The following LPP variants were observed in gnomAD, a reference collection of about 807,000 sequenced individuals.
LPP encodes the protein lipoma-preferred partner.
LPP carries 38 observed loss-of-function variants against 60.4 expected under a neutral mutation model. The observed-to-expected ratio is 0.63, with a 90% confidence interval of 0.49 to 0.83. LPP has a LOEUF of 0.83. Among genes scored for constraint, LPP ranks in the 40% least tolerant of loss-of-function variants. The pLI is 0.00. For synonymous variants in LPP, 328 were observed against 290.8 expected (o/e 1.13, Z -1.30); for missense variants, 902 against 783.6 (o/e 1.15, Z -1.80).
intron 5 of LPP, among the ~76,000 whole-genome samples, chr3:188,503,333 C>A (rs1450120803): frequency 1.3e-5 from 2 of 152,086 alleles, no homozygotes; most frequent in Admixed American, 1.3e-4. Context: ...TTAATACACT[C>A]ATTTCTTAAA....
chr3:188,395,244 G>A (rs574960405), intron 3 of LPP, among the ~76,000 whole-genome samples: 59 of 152,022 alleles, frequency 3.9e-4, no homozygotes, highest in Admixed American at 2.5e-3. Flanking sequence ...TTAGAGACAG[G>A]GTCTCATTCT....
At chr3:188,749,497 C>T (rs75412784) in intron 8 of LPP, among the ~76,000 whole-genome samples, 4,801 of 152,258 alleles carry the variant, frequency 0.032, 126 homozygotes, top group Non-Finnish European at 0.046. Context: ...AACAGAATCC[C>T]GAGTAAGATG....
chr3:188,678,989 G>T (rs1858788692), intron 7 of LPP, among the ~76,000 whole-genome samples: 2 of 152,190 alleles, frequency 1.3e-5, no homozygotes, highest in African/African-American at 2.4e-5. Flanking sequence ...GAACACATGG[G>T]AAGATGCTGG....
intron 6 of LPP, chr3:188,568,375 C>G (rs552536511): frequency 1.3e-5 from 2 of 151,716 alleles, no homozygotes; most frequent in South Asian, 2.1e-4. Flanking sequence ...ATATACTTAC[C>G]CTTCAATCCA....
chr3:188,777,854 A>G (rs945553433), intron 9 of LPP, among the ~76,000 whole-genome samples: 3 of 152,200 alleles, frequency 2.0e-5, no homozygotes, highest in African/African-American at 7.2e-5. Context: ...CTTAAGTAAA[A>G]TAGATATCTT....
intron 4 of LPP, among the ~76,000 whole-genome samples, chr3:188,448,496 A>G (rs558191158): frequency 4.6e-5 from 7 of 152,288 alleles, no homozygotes; most frequent in Admixed American, 3.3e-4. Context: ...CTAAATATCT[A>G]TCTAAATAAA....
At chr3:188,812,528 T>G (rs534048425) in intron 9 of LPP, among the ~76,000 whole-genome samples, 1 of 152,316 alleles carries the variant, frequency 6.6e-6, no homozygotes, top group Middle Eastern at 3.4e-3. Context: ...GTTTGTTTCT[T>G]TAGCATCTGT....
intron 1 of LPP, among the ~76,000 whole-genome samples, chr3:188,189,944 A>G (rs1319705239): frequency 6.6e-6 from 1 of 152,162 alleles, no homozygotes; most frequent in African/African-American, 2.4e-5. Context: ...GACTGAAAGA[A>G]GGAGAGGAGC....
At chr3:188,764,316 T>C (rs903865675) in intron 9 of LPP, among the ~76,000 whole-genome samples, 9 of 152,200 alleles carry the variant, frequency 5.9e-5, no homozygotes, top group African/African-American at 2.2e-4. Context: ...CTCCCATGTC[T>C]TCACAGATAA....
chr3:188,364,704 C>A (rs929779756), intron 3 of LPP, among the ~76,000 whole-genome samples: 6 of 152,158 alleles, frequency 3.9e-5, no homozygotes, highest in Non-Finnish European at 8.8e-5. Context: ...AAAGACTTCC[C>A]AGGCTGAGTG....
chr3:188,395,612 CA>C (rs1202180096), intron 3 of LPP, among the ~76,000 whole-genome samples: 1 of 152,032 alleles, frequency 6.6e-6, no homozygotes, highest in Non-Finnish European at 1.5e-5. Context: ...TTTACAATAA[CA>C]ATAAAATATT....
intron 6 of LPP, among the ~76,000 whole-genome samples, chr3:188,547,818 G>C (rs1258103816): frequency 6.6e-6 from 1 of 152,166 alleles, no homozygotes; most frequent in Non-Finnish European, 1.5e-5. Flanking sequence ...TAAGAAGTGT[G>C]ATGTATAAAA....
chr3:188,483,337 A>G (rs1192293053), intron 4 of LPP, among the ~76,000 whole-genome samples: 3 of 152,070 alleles, frequency 2.0e-5, no homozygotes, highest in East Asian at 3.9e-4. Context: ...TTATACTTCT[A>G]TTTCTCAGGG....
At chr3:188,812,341 G>T (rs1257372801) in intron 9 of LPP, among the ~76,000 whole-genome samples, 1 of 152,072 alleles carries the variant, frequency 6.6e-6, no homozygotes, top group African/African-American at 2.4e-5. Flanking sequence ...TGCAACCAAA[G>T]AATTCCAAAA....
intron 9 of LPP, among the ~76,000 whole-genome samples, chr3:188,765,522 G>A (rs1479236810): frequency 6.6e-6 from 1 of 152,066 alleles, no homozygotes; most frequent in African/African-American, 2.4e-5. Flanking sequence ...AGCATCTGTT[G>A]TTGCATGCTG....
At chr3:188,530,074 G>GTTCCTT (rs1342246409) in intron 6 of LPP, among the ~76,000 whole-genome samples, 204 of 152,312 alleles carry the variant, frequency 1.3e-3, no homozygotes, top group African/African-American at 4.7e-3. Context: ...AGAAAGTCAA[G>GTTCCTT]GAACGTGGAA....
chr3:188,581,534 T>C (rs1836115103), intron 6 of LPP, among the ~76,000 whole-genome samples: 1 of 152,156 alleles, frequency 6.6e-6, no homozygotes, highest in African/African-American at 2.4e-5. Flanking sequence ...CATTCATTAA[T>C]GTCCTGGTCC....
intron 5 of LPP, among the ~76,000 whole-genome samples, chr3:188,494,580 G>A (rs1809386647): frequency 1.3e-5 from 2 of 151,986 alleles, no homozygotes; most frequent in African/African-American, 4.8e-5. Context: ...AGTTCCTGGT[G>A]TCCTGCTCAG....
intron 6 of LPP, among the ~76,000 whole-genome samples, chr3:188,599,666 AAATGAATAAGTGCTGATACAT>A: frequency 1.3e-5 from 2 of 152,066 alleles, no homozygotes; most frequent in Non-Finnish European, 2.9e-5. Context: ...CAAGGCTGTG[AAATGAATAAGTGCTGATACAT>A]TTCAAAGAAG....
Sources: allele counts gnomAD v4.1 joint callset (sites outside exome capture counted in the v4.1 genomes callset), GRCh38; gene constraint gnomAD v4.1.1; transcripts MANE v1.5; gene names NCBI Gene and HGNC (gene_info 2026-07-23, HGNC 2026-07-21).